The following PLXNA4 variants were observed in gnomAD, a reference collection of about 807,000 sequenced individuals.
PLXNA4 encodes plexin-A4.
In PLXNA4, 44 loss-of-function variants were observed where a neutral mutation model predicts 191.8. That is an observed-to-expected ratio of 0.23 (90% CI 0.18 to 0.29). The LOEUF is 0.29. Ranked by LOEUF, PLXNA4 falls within the 10% of genes least tolerant of loss-of-function variation. The pLI, the probability that PLXNA4 is intolerant of heterozygous loss-of-function variation, is 1.00. For missense variants in PLXNA4, 1,800 were observed against 2,488.8 expected (o/e 0.72, Z 5.89); for synonymous variants, 1,082 against 1,009.5 (o/e 1.07, Z -1.36).
chr7:132,474,643 C>T (rs551116699), intron 3 of PLXNA4, among the ~76,000 whole-genome samples: 8 of 150,926 alleles, frequency 5.3e-5, no homozygotes, highest in South Asian at 2.1e-4. Flanking sequence ...CACACGCGCG[C>T]GCACGCACAC....
intron 2 of PLXNA4, among the ~76,000 whole-genome samples, chr7:132,633,945 A>G (rs1271651526): frequency 1.3e-5 from 2 of 151,966 alleles, no homozygotes; most frequent in East Asian, 3.9e-4. Context: ...ACACACACAC[A>G]CGCACATGCA....
intron 2 of PLXNA4, among the ~76,000 whole-genome samples, chr7:132,637,974 C>A (rs1803641536): frequency 6.6e-6 from 1 of 152,212 alleles, no homozygotes; most frequent in African/African-American, 2.4e-5. Context: ...GTTTCCTGGC[C>A]TCTGTCAGTC....
chr7:132,138,654 T>G (rs571269258), intron 30 of PLXNA4, among the ~76,000 whole-genome samples: 1 of 152,316 alleles, frequency 6.6e-6, no homozygotes, highest in East Asian at 1.9e-4. Context: ...CTTGAAAGTG[T>G]CAGTGGTTGC....
rs1796913007 is a variant in PLXNA4, at chr7:132,187,334, T to C, written c.2993+137A>G. 3 of 1,390,478 alleles carry C rather than the reference T, an allele frequency of 2.2e-6. No individual in the cohort carries two copies. The South Asian group carries it at 4.6e-5, about 21-fold the overall frequency. 86.1% of individuals were successfully genotyped at this position (1,390,478 alleles called of 1,614,324 possible). ...GCTGTCTCAGGAAATTGGCTCTATC[T>C]GTGCAGCTGGCAAGAAGAACCTGTC... On this transcript the variant is annotated intron_variant, in intron 15 of 31. Coordinates refer to ENST00000321063, the MANE Select transcript of PLXNA4 (RefSeq NM_020911.2).
intron 4 of PLXNA4, among the ~76,000 whole-genome samples, chr7:132,252,457 G>A (rs1283314269): frequency 6.6e-6 from 1 of 151,726 alleles, no homozygotes; most frequent in African/African-American, 2.4e-5. Flanking sequence ...GACTACAGGT[G>A]CACGCCACCA....
At chr7:132,598,731 A>C (rs995749049) in intron 2 of PLXNA4, among the ~76,000 whole-genome samples, 1 of 150,942 alleles carries the variant, frequency 6.6e-6, no homozygotes, top group East Asian at 1.9e-4. Context: ...AATTGTCATC[A>C]GCTCATTCAC....
intron 3 of PLXNA4, among the ~76,000 whole-genome samples, chr7:132,377,643 C>T (rs1385031939): frequency 6.6e-6 from 1 of 152,128 alleles, no homozygotes; most frequent in African/African-American, 2.4e-5. Context: ...CCTCTCCCCA[C>T]CTTGCTGCTT....
chr7:132,273,262 C>A (rs942208345), intron 4 of PLXNA4, among the ~76,000 whole-genome samples: 1 of 151,962 alleles, frequency 6.6e-6, no homozygotes, highest in Non-Finnish European at 1.5e-5. Context: ...ATACACTAAG[C>A]TCACACTGGA....
At chr7:132,514,272 C>T (rs1386569268) in intron 1 of PLXNA4, among the ~76,000 whole-genome samples, 2 of 150,340 alleles carry the variant, frequency 1.3e-5, no homozygotes, top group Non-Finnish European at 3.0e-5. Context: ...AGGATGGTCT[C>T]GATCTCCTGA....
intron 3 of PLXNA4, among the ~76,000 whole-genome samples, chr7:132,348,708 AC>A (rs1489867281): frequency 6.6e-6 from 1 of 152,096 alleles, no homozygotes; most frequent in Admixed American, 6.5e-5. Flanking sequence ...GGTGGGGGCA[AC>A]CCCAGTCCCT....
intron 9 of PLXNA4, among the ~76,000 whole-genome samples, chr7:132,218,103 C>T (rs140139956): frequency 2.3e-3 from 347 of 152,010 alleles, no homozygotes; most frequent in Middle Eastern, 0.014. Flanking sequence ...GGGCATGGGG[C>T]TTATTTCAGC....
intron 1 of PLXNA4, among the ~76,000 whole-genome samples, chr7:132,528,694 T>C (rs918763697): frequency 6.6e-6 from 1 of 152,206 alleles, no homozygotes; most frequent in Non-Finnish European, 1.5e-5. Context: ...CCTGGAACTG[T>C]GGCAGACTTC....
Position 132,508,529 on chromosome 7 carries a change from C to G in PLXNA4, c.165G>C (p.Val55=). The G allele has an allele frequency of 6.2e-7, 1 of 1,614,202 alleles. No homozygotes were observed. Among genetic ancestry groups the G allele is most frequent in the South Asian group, 1.1e-5 (1 of 91,082 alleles). Residue 55 remains valine (V), a synonymous_variant, in exon 2 of 32, where the codon GTG becomes GTC. Transcript: ENST00000321063. This position sits in a 1 kb window ranked among gnomAD's most constrained non-coding sequence, Gnocchi z 4.4. The part of the protein sequence containing the change: ...GEPAEGFNHL[V]VDERTGHIYL... ...AAATGTGTCCTGTCCTCTCATCCAC[C>G]ACCAGGTGATTGAAACCCTCGGCGG...
At chr7:132,328,781 T>C (rs1258317959) in intron 3 of PLXNA4, among the ~76,000 whole-genome samples, 1 of 152,172 alleles carries the variant, frequency 6.6e-6, no homozygotes, top group African/African-American at 2.4e-5. Flanking sequence ...TCCCCAGTGC[T>C]CTACTGATCA....
chr7:132,436,931 C>T (rs1440334879), intron 3 of PLXNA4, among the ~76,000 whole-genome samples: 2 of 152,138 alleles, frequency 1.3e-5, no homozygotes, highest in Admixed American at 1.3e-4. Flanking sequence ...AGCTCAGATG[C>T]CACCCCTGCA....
intron 20 of PLXNA4, among the ~76,000 whole-genome samples, chr7:132,178,731 CTTGT>C (rs1562900995): frequency 3.3e-5 from 4 of 120,256 alleles, no homozygotes; most frequent in African/African-American, 1.2e-4. Context: ...CACACACACA[CTTGT>C]AAATGAAACA....
At chr7:132,493,484 C>G (rs1426497567) in intron 2 of PLXNA4, among the ~76,000 whole-genome samples, 2 of 152,204 alleles carry the variant, frequency 1.3e-5, no homozygotes, top group African/African-American at 4.8e-5. Context: ...GAGGGCCACA[C>G]TCTCTGGGTC....
intron 2 of PLXNA4, among the ~76,000 whole-genome samples, chr7:132,607,594 A>G (rs1802950965): frequency 6.6e-6 from 1 of 152,222 alleles, no homozygotes; most frequent in Non-Finnish European, 1.5e-5. Flanking sequence ...GGGCTATGAG[A>G]GCAATGATCA....
At chr7:132,194,300 G>A in intron 13 of PLXNA4, 121 bp from the exon 14 acceptor site, 1 of 1,432,784 alleles carries the variant, frequency 7.0e-7, no homozygotes. Flanking sequence ...CCAGGTAGGG[G>A]AGGAAGGGGA....
Sources: allele counts gnomAD v4.1 joint callset (sites outside exome capture counted in the v4.1 genomes callset), GRCh38; gene constraint gnomAD v4.1.1; non-coding constraint Gnocchi (gnomAD v3.1); transcripts MANE v1.5; gene names NCBI Gene and HGNC (gene_info 2026-07-23, HGNC 2026-07-21).